The following SENP6 variants were observed in gnomAD, a reference collection of about 807,000 sequenced individuals.
SENP6 encodes the protein SUMO specific peptidase 6, also known as sentrin-specific protease 6.
In SENP6, 41 loss-of-function variants were observed where a neutral mutation model predicts 134.5. The ratio of observed to expected loss-of-function variants is 0.30; its 90% CI spans 0.24 to 0.40. The LOEUF (loss-of-function observed/expected upper bound fraction) is 0.40, where lower values mean the gene tolerates loss of function less well. Ranked by LOEUF, SENP6 falls within the 10% of genes least tolerant of loss-of-function variation. SENP6 has a pLI of 1.00. For synonymous variants in SENP6, 395 were observed against 429.8 expected, an observed-to-expected ratio of 0.92 and a Z score of 1.00; for missense variants, 1,248 against 1,312.5, an observed-to-expected ratio of 0.95 and a Z score of 0.76.
chr6:75,646,151 A>T (rs1260712198), intron 6 of SENP6, among the ~76,000 whole-genome samples: 1 of 152,242 alleles, frequency 6.6e-6, no homozygotes, highest in African/African-American at 2.4e-5. Context: ...GTGAAAGTGT[A>T]TGGAATTTGA....
chr6:75,657,723 T>G (rs2149859206), intron 7 of SENP6, among the ~76,000 whole-genome samples: 1 of 152,270 alleles, frequency 6.6e-6, no homozygotes, highest in Admixed American at 6.5e-5. Flanking sequence ...GGAACAGAAG[T>G]ACAAATAACA....
chr6:75,612,571 C>T (rs1322563358), intron 1 of SENP6, among the ~76,000 whole-genome samples: 2 of 152,046 alleles, frequency 1.3e-5, no homozygotes, highest in Non-Finnish European at 2.9e-5. Context: ...CTCAAGCAAT[C>T]CTCTTGCCTT....
rs148932342 is a variant in SENP6, at chr6:75,670,960, A to G, written c.1392+240A>G. ...GCCAGCTTCGTGCATGAAACTTTCA[A>G]TGAGTTAGAAAACCTTCCAATATGT... On this transcript the variant is annotated intron_variant, in intron 11 of 23. Coordinates refer to ENST00000447266, the MANE Select transcript of SENP6 (RefSeq NM_015571.4). 8.6e-4 allele frequency among the ~76,000 whole-genome samples: 131 copies of G among 152,260 alleles called. 1 individual carries two copies. The East Asian group carries it at 0.014, about 16-fold the overall frequency.
chr6:75,666,733 A>G lies in SENP6; in HGVS notation c.1016A>G (p.Asp339Gly). The G allele has an allele frequency of 6.4e-7, 1 of 1,570,458 alleles. No homozygotes were observed. The highest frequency in any genetic ancestry group is 8.7e-7 in the Non-Finnish European group (1 of 1,151,564). The change falls in exon 10 of 24, where the codon GAT (aspartate) becomes GGT (glycine). Residue 339 changes from aspartate (D) to glycine (G), a missense_variant. Asp to Gly is a moderately conservative substitution (Grantham distance 94). Coordinates refer to ENST00000447266, the MANE Select transcript of SENP6 (RefSeq NM_015571.4). The stretch of plus-strand genomic sequence containing the variant: ...TTAGTCATTTTGTCCAGTGATGATG[A>G]TGATGACAACGACAGAACTAACAGA... The part of the protein sequence containing the change: ...NDPIILSSDD[D>G]DDNDRTNRRE...
At position 75,685,177 on chromosome 6, in the gene SENP6, TA is replaced by T. The variant is rs567570468; in HGVS notation, c.2075+6251del. Among the ~76,000 whole-genome samples, 92 of 152,348 alleles carry T rather than the reference TA, an allele frequency of 6.0e-4. 3 individuals carry two copies. The Middle Eastern group carries it at 0.017, about 28-fold the overall frequency. ...TCCATTTTTTCTAGATTTTCTAGAT[TA>T]TTTGCATAGAGGTGTTTATTCTCTG... On this transcript the variant is annotated intron_variant, in intron 16 of 23. Transcript: ENST00000447266.
chr6:75,694,775 CAGTT>C (rs1285454102), intron 16 of SENP6, among the ~76,000 whole-genome samples: 1 of 151,968 alleles, frequency 6.6e-6, no homozygotes, highest in Non-Finnish European at 1.5e-5. Context: ...TTCCATTTGT[CAGTT>C]GGTTAGCATT....
At chr6:75,659,695 A>C (rs1464524370) in intron 8 of SENP6, among the ~76,000 whole-genome samples, 1 of 152,198 alleles carries the variant, frequency 6.6e-6, no homozygotes, top group East Asian at 1.9e-4. Flanking sequence ...AAAGTTACAA[A>C]AAATAGTAGA....
chr6:75,670,559 A>G lies in SENP6; in HGVS notation c.1231A>G (p.Asn411Asp). ...ATTTTCTTTTCCTTTTTAGTTTGGCAATTCTATTATCAACACACCTCTGAA... is the reference window on the plus strand; with the variant it reads ...ATTTTCTTTTCCTTTTTAGTTTGGCGATTCTATTATCAACACACCTCTGAA... ...RKARMKDQFG[N>D]SIINTPLKRR... The change falls in exon 11 of 24, where the codon AAT becomes GAT. Residue 411 changes from asparagine (N) to aspartate (D), a missense_variant. Physicochemically the swap from Asn to Asp is conservative, Grantham distance 23. This residue lies in a region of SENP6 where 733 missense variants were observed against 725.4 expected (regional missense o/e 1.01). Transcript: ENST00000447266. 2 of 1,598,346 alleles carry G rather than the reference A, an allele frequency of 1.3e-6. No individual in the cohort carries two copies. Among genetic ancestry groups the G allele is most frequent in the South Asian group, 2.2e-5 (2 of 89,170 alleles).
In SENP6 at chr6:75,620,047, G is replaced by T. The variant is rs569981139; in HGVS notation, c.53-1485G>T. On this transcript the variant is annotated intron_variant, in intron 1 of 23. Coordinates refer to ENST00000447266, the MANE Select transcript of SENP6 (RefSeq NM_015571.4). ...AGTCAAGGCTGCAGTGAGCCATGAT[G>T]GCACCACTGCACTCCAGCTTGGGCT... Among the ~76,000 whole-genome samples, 94 of 148,262 alleles carry T rather than the reference G, an allele frequency of 6.3e-4. 3 individuals are homozygous for T. The Middle Eastern group carries it at 0.017, about 27-fold the overall frequency.
chr6:75,677,302 T>C, intron 14 of SENP6, 46 bp downstream of exon 14: 1 of 1,257,614 alleles, frequency 8.0e-7, no homozygotes, highest in Non-Finnish European at 1.1e-6. Context: ...TTGTGGGTAG[T>C]TTTAAAGGGA....
rs557791966 is a variant in SENP6 at position 75,670,874 on chromosome 6, G to A, written c.1392+154G>A. ...ACATTGCTTTAAGAGTATATAAATA[G>A]TAGCTCCTTGCCATTAAAATGAGTT... On this transcript the variant is annotated intron_variant, in intron 11 of 23. Transcript: ENST00000447266. 10 of 307,316 alleles carry A rather than the reference G, an allele frequency of 3.3e-5. No individual in the cohort carries two copies. In the East Asian group the frequency reaches 3.9e-4, roughly 12 times the overall value. 19.0% of individuals were successfully genotyped at this position (307,316 alleles called of 1,614,324 possible).
chr6:75,621,416 G>A (rs951915025), intron 1 of SENP6, 116 bp from the exon 2 acceptor site: 1 of 636,494 alleles, frequency 1.6e-6, no homozygotes, highest in Non-Finnish European at 2.7e-6. Flanking sequence ...AATAGACAAA[G>A]GCAACCAAAT....
chr6:75,658,124 G>C lies in SENP6; in HGVS notation c.551-1138G>C, dbSNP rs148786561. Reference sequence around the variant, plus strand: ...AGTGGCAGTGGGTTTGGAGAAGACAGAGTGAACTTAAGAGCTATTTAGAAG... The same window carrying C: ...AGTGGCAGTGGGTTTGGAGAAGACACAGTGAACTTAAGAGCTATTTAGAAG... On this transcript the variant is annotated intron_variant, in intron 7 of 23. Transcript: ENST00000447266. Among the ~76,000 whole-genome samples, 1,015 of 152,098 alleles carry C rather than the reference G, an allele frequency of 6.7e-3. 11 individuals are homozygous for C. The highest frequency in any genetic ancestry group is 0.024 in the African/African-American group (982 of 41,472).
chr6:75,709,638 T>G lies in SENP6; in HGVS notation c.2820+8T>G. 1 of 1,603,102 alleles carries G rather than the reference T, an allele frequency of 6.2e-7. No individual in the cohort carries two copies. The highest frequency in any genetic ancestry group is 8.5e-7 in the Non-Finnish European group (1 of 1,170,276). The stretch of plus-strand genomic sequence containing the variant: ...GAAGATCAGGATAACCAGGTAAAAC[T>G]TAATGCTTGGCAAAAAGTTCTAATG... On this transcript the variant is annotated splice_region_variant and intron_variant, in intron 20 of 23. Transcript: ENST00000447266.
At chr6:75,645,079 TA>T (rs1364472914) in intron 6 of SENP6, among the ~76,000 whole-genome samples, 1 of 152,136 alleles carries the variant, frequency 6.6e-6, no homozygotes, top group Non-Finnish European at 1.5e-5. Context: ...AAACAGCTTG[TA>T]AAAATCTTGG....
chr6:75,707,025 A>G (rs1283969592), intron 19 of SENP6, among the ~76,000 whole-genome samples: 2 of 150,272 alleles, frequency 1.3e-5, no homozygotes, highest in African/African-American at 4.9e-5. Flanking sequence ...TGAGAGAACC[A>G]CTGATCAAGT....
intron 5 of SENP6, among the ~76,000 whole-genome samples, chr6:75,638,584 GTGTGTGTATATATATATATA>G (rs1438779042): frequency 1.0e-4 from 3 of 29,942 alleles, no homozygotes; most frequent in South Asian, 1.2e-3. Flanking sequence ...GTGTGTGTGT[GTGTGTGTATATATATATATA>G]TATATATATA....
chr6:75,700,020 C>T (rs1227713083), intron 18 of SENP6, among the ~76,000 whole-genome samples: 1 of 152,158 alleles, frequency 6.6e-6, no homozygotes, highest in East Asian at 1.9e-4. Flanking sequence ...AAGCAATCCT[C>T]CTGCCTCAGC....
At chr6:75,709,473 C>A in intron 19 of SENP6, 54 bp from the exon 20 acceptor site, 1 of 1,214,996 alleles carries the variant, frequency 8.2e-7, no homozygotes, top group Non-Finnish European at 1.2e-6. Context: ...GCCTCATATA[C>A]TATGAGTGAT....
Sources: allele counts gnomAD v4.1 joint callset (sites outside exome capture counted in the v4.1 genomes callset), GRCh38; gene constraint gnomAD v4.1.1; regional missense constraint gnomAD v4.1.1; transcripts MANE v1.5; gene names NCBI Gene and HGNC (gene_info 2026-07-23, HGNC 2026-07-21).